PLCB1: variants seen among roughly 807,000 people sequenced by gnomAD.
PLCB1 encodes 1-phosphatidylinositol 4,5-bisphosphate phosphodiesterase beta-1.
Under a neutral mutation model 161.8 loss-of-function variants are expected in PLCB1, and 46 were observed. The ratio of observed to expected loss-of-function variants is 0.28; its 90% confidence interval spans 0.22 to 0.36. The LOEUF is 0.36. Ranked by LOEUF, PLCB1 falls within the 10% of genes least tolerant of loss-of-function variation. The pLI, the probability that PLCB1 is intolerant of heterozygous loss-of-function variation, is 1.00. For synonymous variants in PLCB1, 517 were observed against 503.7 expected (o/e 1.03, Z -0.35); for missense variants, 1,016 against 1,472.5 (o/e 0.69, Z 5.07).
intron 27 of PLCB1, among the ~76,000 whole-genome samples, chr20:8,775,033 T>G (rs1191128969): frequency 6.6e-6 from 1 of 152,108 alleles, no homozygotes; most frequent in Non-Finnish European, 1.5e-5. Flanking sequence ...ACACTTATCT[T>G]TGTTTAAGAA....
chr20:8,153,712 A>G (rs942991221), intron 2 of PLCB1, among the ~76,000 whole-genome samples: 1 of 152,188 alleles, frequency 6.6e-6, no homozygotes, highest in Non-Finnish European at 1.5e-5. Context: ...TGGTGTAAAA[A>G]TAAAACTAGT....
chr20:8,367,659 A>T (rs931357052), intron 2 of PLCB1, among the ~76,000 whole-genome samples: 1 of 152,254 alleles, frequency 6.6e-6, no homozygotes, highest in African/African-American at 2.4e-5. Context: ...TAAAGAAATA[A>T]TGAATTCCAC....
At chr20:8,140,784 C>CAAA (rs2051394553) in intron 1 of PLCB1, among the ~76,000 whole-genome samples, 1 of 151,734 alleles carries the variant, frequency 6.6e-6, no homozygotes. Context: ...ACAACAACAA[C>CAAA]AAAAAACTTT....
chr20:8,567,069 C>A (rs927666374), intron 3 of PLCB1, among the ~76,000 whole-genome samples: 1 of 152,130 alleles, frequency 6.6e-6, no homozygotes, highest in Non-Finnish European at 1.5e-5. Flanking sequence ...TAATTTTTCT[C>A]AATGAGAGCA....
intron 4 of PLCB1, among the ~76,000 whole-genome samples, chr20:8,641,045 A>G (rs1043551073): frequency 3.9e-5 from 6 of 152,198 alleles, no homozygotes; most frequent in African/African-American, 1.4e-4. Context: ...CTTACCTGAA[A>G]AAAAGATACT....
At chr20:8,388,218 A>G (rs1405409204) in intron 3 of PLCB1, among the ~76,000 whole-genome samples, 1 of 151,958 alleles carries the variant, frequency 6.6e-6, no homozygotes, top group Non-Finnish European at 1.5e-5. Flanking sequence ...CCCTTATATC[A>G]TGACCGTTTC....
At chr20:8,433,097 C>A (rs1372510740) in intron 3 of PLCB1, among the ~76,000 whole-genome samples, 6 of 152,168 alleles carry the variant, frequency 3.9e-5, no homozygotes, top group Admixed American at 3.9e-4. Context: ...TTTATTAATA[C>A]AATTAGCTTT....
At position 8,721,686 on chromosome 20, in the gene PLCB1, C is replaced by T. The variant is rs115517047; in HGVS notation, c.1514-668C>T. Among the ~76,000 whole-genome samples, 814 of 152,318 alleles carry T rather than the reference C, an allele frequency of 5.3e-3. 9 individuals are homozygous for T. Among genetic ancestry groups the T allele is most frequent in the African/African-American group, 0.019 (775 of 41,576 alleles). On this transcript the variant is annotated intron_variant, in intron 14 of 31. Coordinates refer to ENST00000338037, the MANE Select transcript of PLCB1 (RefSeq NM_015192.4). ...ATATCAGCATTTTCTACGATATGCA[C>T]TTCGTTGTGATGACAATACATCCAT...
intron 2 of PLCB1, among the ~76,000 whole-genome samples, chr20:8,275,246 C>CGTGTGTGT (rs1209090719): frequency 0.012 from 632 of 50,898 alleles, 4 homozygotes; most frequent in South Asian, 0.019. Context: ...TTTGCATCAG[C>CGTGTGTGT]GTGAGTGTGT....
At chr20:8,252,350 A>G (rs1216283652) in intron 2 of PLCB1, among the ~76,000 whole-genome samples, 1 of 151,938 alleles carries the variant, frequency 6.6e-6, no homozygotes, top group Non-Finnish European at 1.5e-5. Flanking sequence ...TTCCCTTGTG[A>G]AAACTATGCC....
At chr20:8,626,463 T>C (rs1265146702) in intron 3 of PLCB1, among the ~76,000 whole-genome samples, 2 of 152,142 alleles carry the variant, frequency 1.3e-5, no homozygotes, top group African/African-American at 4.8e-5. Context: ...TTATCAAGTT[T>C]TGAGCAAAAG....
chr20:8,877,347 G>A (rs1987816142), intron 31 of PLCB1, among the ~76,000 whole-genome samples: 1 of 152,162 alleles, frequency 6.6e-6, no homozygotes. Flanking sequence ...ATCTGTTAGG[G>A]GAAAGGTTAT....
At chr20:8,479,443 CTA>C (rs1303586084) in intron 3 of PLCB1, among the ~76,000 whole-genome samples, 12 of 152,178 alleles carry the variant, frequency 7.9e-5, no homozygotes. Flanking sequence ...ACTGCAAGAT[CTA>C]TGTCTATTAA....
In PLCB1 at chr20:8,350,238, G is replaced by A. The variant is rs181754570; in HGVS notation, c.178-21144G>A. Among the ~76,000 whole-genome samples, 385 of 152,138 alleles carry A rather than the reference G, an allele frequency of 2.5e-3. 1 individual carries two copies. Among genetic ancestry groups the A allele is most frequent in the Non-Finnish European group, 3.2e-3 (220 of 68,006 alleles). On this transcript the variant is annotated intron_variant, in intron 2 of 31. Coordinates refer to ENST00000338037, the MANE Select transcript of PLCB1 (RefSeq NM_015192.4). ...GCTATTTTTTCTGATGCTCTCCCTC[G>A]CCTGACCCCCACCCTGGATAGGCCC...
intron 31 of PLCB1, among the ~76,000 whole-genome samples, chr20:8,874,580 T>C (rs1987714783): frequency 6.6e-6 from 1 of 152,066 alleles, no homozygotes; most frequent in African/African-American, 2.4e-5. Flanking sequence ...GCAACCTTTT[T>C]AGGAAACGTA....
At chr20:8,510,383 C>CTTTTTTTTTTTTTTTTTTTTTTTTTTT in intron 3 of PLCB1, among the ~76,000 whole-genome samples, 1 of 119,822 alleles carries the variant, frequency 8.3e-6, no homozygotes, top group Non-Finnish European at 1.7e-5. Context: ...TTTTCTTTTT[C>CTTTTTTTTTTTTTTTTTTTTTTTTTTT]TTTTTTTTTT....
chr20:8,478,936 C>G (rs1982390358), intron 3 of PLCB1, among the ~76,000 whole-genome samples: 1 of 152,012 alleles, frequency 6.6e-6, no homozygotes, highest in African/African-American at 2.4e-5. Flanking sequence ...GTTTACATGG[C>G]TTATAAGTCA....
intron 14 of PLCB1, among the ~76,000 whole-genome samples, chr20:8,720,778 T>C (rs1979582353): frequency 6.6e-6 from 1 of 151,846 alleles, no homozygotes; most frequent in South Asian, 2.1e-4. Flanking sequence ...TTGGGTCCCA[T>C]GAAGTATTTT....
chr20:8,793,158 C>G (rs1184982812), intron 31 of PLCB1, among the ~76,000 whole-genome samples: 1 of 152,182 alleles, frequency 6.6e-6, no homozygotes, highest in African/African-American at 2.4e-5. Context: ...ATCTCTAAAA[C>G]AAGTCCACGG....
Sources: gnomAD v4.1 joint callset for allele counts (sites outside exome capture counted in the v4.1 genomes callset) on GRCh38, gnomAD v4.1.1 for gene constraint, MANE v1.5 for transcripts, NCBI Gene and HGNC (gene_info 2026-07-23, HGNC 2026-07-21) for gene names.